The following FAR2 variants were observed in gnomAD, a reference collection of about 807,000 sequenced individuals.
FAR2 encodes the protein epididymis secretory protein Li 81.
Under a neutral mutation model 56.0 loss-of-function variants are expected in FAR2, and 19 were observed. That is an observed-to-expected ratio of 0.34 (90% confidence interval 0.24 to 0.50). FAR2 has a LOEUF of 0.50. FAR2 is among the 20% of genes least tolerant of loss of function. The probability of loss-of-function intolerance (pLI) is 0.98; values close to 1 mark genes in which losing one functional copy is unlikely to be tolerated. For synonymous variants in FAR2, 219 were observed against 218.8 expected, an observed-to-expected ratio of 1.00 and a Z score of -0.01; for missense variants, 508 against 642.2, an observed-to-expected ratio of 0.79 and a Z score of 2.26.
At chr12:29,265,399 C>CA (rs1172751498) in intron 1 of FAR2, among the ~76,000 whole-genome samples, 1 of 152,086 alleles carries the variant, frequency 6.6e-6, no homozygotes, top group Non-Finnish European at 1.5e-5. Flanking sequence ...TCATTTTTGG[C>CA]AAAGGTGCCG....
At chr12:29,165,064 A>C (rs989276827) in intron 1 of FAR2, among the ~76,000 whole-genome samples, 1 of 152,148 alleles carries the variant, frequency 6.6e-6, no homozygotes, top group Admixed American at 6.5e-5. Flanking sequence ...AGAAGTTCTT[A>C]CTATTAATGT....
chr12:29,311,166 C>T lies in FAR2; in HGVS notation c.887+20C>T, dbSNP rs1428450533. ...TCACAGGTGTGGATGCTCAAGTGGG[C>T]TTTCAAAGACTTCATGAGGGGCAGA... On this transcript the variant is annotated intron_variant, in intron 7 of 11. Transcript: ENST00000536681. 1.3e-6 allele frequency: 2 copies of T among 1,521,916 alleles called. No homozygotes were observed. Among genetic ancestry groups the T allele is most frequent in the South Asian group, 2.2e-5 (2 of 89,172 alleles). 94.3% of individuals were successfully genotyped at this position (1,521,916 alleles called of 1,614,324 possible).
At chr12:29,254,977 G>T (rs1447131762) in intron 1 of FAR2, among the ~76,000 whole-genome samples, 1 of 151,000 alleles carries the variant, frequency 6.6e-6, no homozygotes. Context: ...GTTTACTCCA[G>T]AAATTAAATA....
intron 1 of FAR2, among the ~76,000 whole-genome samples, chr12:29,262,424 A>C (rs1948435777): frequency 6.6e-6 from 1 of 152,206 alleles, no homozygotes; most frequent in Non-Finnish European, 1.5e-5. Context: ...TGAGATCAGG[A>C]GTTCGAGACC....
At chr12:29,258,697 A>G (rs1400023162) in intron 1 of FAR2, among the ~76,000 whole-genome samples, 2 of 152,262 alleles carry the variant, frequency 1.3e-5, no homozygotes, top group Non-Finnish European at 2.9e-5. Context: ...TGACTTGATT[A>G]TGTATAGAGT....
chr12:29,150,332 C>T (rs926536334), intron 1 of FAR2, among the ~76,000 whole-genome samples: 1 of 152,168 alleles, frequency 6.6e-6, no homozygotes, highest in African/African-American at 2.4e-5. Context: ...GCTGGATCTG[C>T]AAGAGTTTGG....
chr12:29,323,568 G>A (rs7980218), intron 10 of FAR2, among the ~76,000 whole-genome samples: 95,687 of 151,994 alleles, frequency 0.63, 31,384 homozygotes, highest in African/African-American at 0.82. Context: ...GAATGATCAG[G>A]CAGCAGAATT....
intron 1 of FAR2, among the ~76,000 whole-genome samples, chr12:29,195,418 G>A (rs535028265): frequency 6.6e-6 from 1 of 152,042 alleles, no homozygotes; most frequent in Admixed American, 6.6e-5. Context: ...ACTCTTCCAT[G>A]TCACCATTTA....
chr12:29,217,090 G>A lies in FAR2; in HGVS notation c.-38-53322G>A, dbSNP rs561171386. On this transcript the variant is annotated intron_variant, in intron 1 of 11. Coordinates refer to ENST00000536681, the MANE Select transcript of FAR2 (RefSeq NM_001271783.2). ...TACCAGGCACATGGTTAAAATGTAG[G>A]AGATTAGGATATTCTGACTAGAATG... 3.1e-4 allele frequency among the ~76,000 whole-genome samples: 47 copies of A among 152,288 alleles called. No individual in the cohort carries two copies. In the South Asian group the frequency reaches 3.5e-3, roughly 11 times the overall value.
Position 29,270,412 on chromosome 12 carries a change from G to T in FAR2, c.-38G>T. On this transcript the variant is annotated splice_region_variant and 5_prime_UTR_variant, in exon 2 of 12. Coordinates refer to ENST00000536681, the MANE Select transcript of FAR2 (RefSeq NM_001271783.2). ...TTTTGTTATTTCTCTTCCTTTTCAG[G>T]AACCTCTTTCAGGAGCTATAAAAGA... The T allele has an allele frequency of 6.8e-7, 1 of 1,476,040 alleles. No individual in the cohort carries two copies. Among genetic ancestry groups the T allele is most frequent in the Admixed American group, 2.2e-5 (1 of 46,340 alleles). The allele number at this position is 1,476,040 out of a possible 1,614,324, so 91.4% of individuals were successfully genotyped here.
chr12:29,256,746 C>A (rs1395260557), intron 1 of FAR2, among the ~76,000 whole-genome samples: 3 of 152,200 alleles, frequency 2.0e-5, no homozygotes. Context: ...AGCACTCGGC[C>A]GGCCCTGCCA....
At chr12:29,192,854 G>T (rs1950113919) in intron 1 of FAR2, among the ~76,000 whole-genome samples, 1 of 151,614 alleles carries the variant, frequency 6.6e-6, no homozygotes, top group Non-Finnish European at 1.5e-5. Context: ...AAAATGAAAG[G>T]GAAATGGAAA....
At position 29,334,548 on chromosome 12, in the gene FAR2, A is replaced by G. The variant is rs556712482; in HGVS notation, c.*754A>G. ...TATTTCTAAATCTTTTTAATCCTCA[A>G]TTTTCCTGGTAACCTTCTTTCAAGA... On this transcript the variant is annotated 3_prime_UTR_variant, in exon 12 of 12. Coordinates refer to ENST00000536681, the MANE Select transcript of FAR2 (RefSeq NM_001271783.2). 9.1e-4 allele frequency: 139 copies of G among 152,178 alleles called. No homozygotes were observed. The highest frequency in any genetic ancestry group is 3.3e-3 in the African/African-American group (136 of 41,534). 9.4% of individuals were successfully genotyped at this position (152,178 alleles called of 1,614,324 possible).
rs77188589 is a variant in FAR2, at chr12:29,312,656, C to A, written c.955+706C>A. ...TCTGTCTGAATGTAAAGGATTGGAT[C>A]TGTTCAATGTATAAAACCATGGAAA... is the stretch of plus-strand genomic sequence containing the variant. On this transcript the variant is annotated intron_variant, in intron 8 of 11. Transcript: ENST00000536681. 5.2e-3 allele frequency among the ~76,000 whole-genome samples: 793 copies of A among 152,250 alleles called. 11 individuals carry two copies. The highest frequency in any genetic ancestry group is 0.018 in the African/African-American group (758 of 41,556).
chr12:29,276,183 G>GTCTT (rs1948702826), intron 2 of FAR2, among the ~76,000 whole-genome samples: 1 of 152,164 alleles, frequency 6.6e-6, no homozygotes. Context: ...GAGTCTCTGC[G>GTCTT]TCTTTCTCTC....
intron 1 of FAR2, among the ~76,000 whole-genome samples, chr12:29,233,004 A>G (rs933540086): frequency 2.9e-4 from 44 of 152,188 alleles, no homozygotes; most frequent in Admixed American, 2.5e-3. Flanking sequence ...TGTGATCACC[A>G]TACTTATTCT....
At chr12:29,200,578 A>G (rs1947395285) in intron 1 of FAR2, among the ~76,000 whole-genome samples, 1 of 152,210 alleles carries the variant, frequency 6.6e-6, no homozygotes, top group Admixed American at 6.5e-5. Context: ...TATTAGAGAT[A>G]GTTATAGAAA....
chr12:29,184,597 G>A (rs963929090), intron 1 of FAR2, among the ~76,000 whole-genome samples: 24 of 151,820 alleles, frequency 1.6e-4, no homozygotes, highest in African/African-American at 5.8e-4. Flanking sequence ...ACCATGCCCA[G>A]CTAATTTTTT....
intron 2 of FAR2, chr12:29,280,925 G>A (rs1159873791): frequency 2.0e-5 from 3 of 152,242 alleles, no homozygotes; most frequent in African/African-American, 7.2e-5. Flanking sequence ...AGGAGAAAAG[G>A]AAAATAGGAT....
Sources: allele counts gnomAD v4.1 joint callset (sites outside exome capture counted in the v4.1 genomes callset), GRCh38; gene constraint gnomAD v4.1.1; transcripts MANE v1.5; gene names NCBI Gene and HGNC (gene_info 2026-07-23, HGNC 2026-07-21).